Variants in TSPAN12 observed in about 807,000 individuals in gnomAD.
TSPAN12 encodes the protein tetraspanin-12.
A neutral mutation model predicts 39.2 loss-of-function variants in TSPAN12; 19 were observed. That is an observed-to-expected ratio of 0.49 (90% CI 0.34 to 0.71). The LOEUF is 0.71. TSPAN12 is among the 30% of genes least tolerant of loss of function. TSPAN12 has a pLI of 0.01. For missense variants in TSPAN12, 314 were observed against 359.9 expected, an observed-to-expected ratio of 0.87 and a Z score of 1.03; for synonymous variants, 119 against 124.8, an observed-to-expected ratio of 0.95 and a Z score of 0.31.
At chr7:120,844,511 C>G (rs1231634082) in intron 2 of TSPAN12, among the ~76,000 whole-genome samples, 1 of 152,222 alleles carries the variant, frequency 6.6e-6, no homozygotes, top group Non-Finnish European at 1.5e-5. Flanking sequence ...ATTCACTAAA[C>G]AGTACCATTC....
rs925396692 is a variant in TSPAN12 at position 120,788,421 on chromosome 7, T to C, written c.*171A>G. 7 of 762,508 alleles carry C rather than the reference T, an allele frequency of 9.2e-6. No homozygotes were observed. In the East Asian group the frequency reaches 1.9e-4, roughly 21 times the overall value. 47.2% of individuals were successfully genotyped at this position (762,508 alleles called of 1,614,324 possible). ...ATCAATTATTGTCCAGGTGGTGACTTATGACATGAAACTTTTCCATCCTCA... is the reference window on the plus strand; with the variant it reads ...ATCAATTATTGTCCAGGTGGTGACTCATGACATGAAACTTTTCCATCCTCA... On this transcript the variant is annotated 3_prime_UTR_variant, in exon 8 of 8. Coordinates refer to ENST00000222747, the MANE Select transcript of TSPAN12 (RefSeq NM_012338.4).
At chr7:120,857,044 G>A in intron 1 of TSPAN12, 1 of 528,530 alleles carries the variant, frequency 1.9e-6, no homozygotes, top group Non-Finnish European at 3.4e-6. Flanking sequence ...AACACCTGCT[G>A]GGAAAAGAAA....
chr7:120,788,374 C>T lies in TSPAN12; in HGVS notation c.*218G>A, dbSNP rs1352863838. ...ACAGGCTACACAGTGGGTATGACAT[C>T]TGTCTTCAGCATTTTAAGGGCATCA... is the stretch of plus-strand genomic sequence containing the variant. On this transcript the variant is annotated 3_prime_UTR_variant, in exon 8 of 8. Coordinates refer to ENST00000222747, the MANE Select transcript of TSPAN12 (RefSeq NM_012338.4). The T allele has an allele frequency of 1.7e-6, 1 of 581,684 alleles. No individual in the cohort carries two copies. Among genetic ancestry groups the T allele is most frequent in the Non-Finnish European group, 3.0e-6 (1 of 330,522 alleles). The allele number at this position is 581,684 out of a possible 1,614,324, so 36.0% of individuals were successfully genotyped here.
chr7:120,824,425 A>AG (rs998062303), intron 4 of TSPAN12, among the ~76,000 whole-genome samples: 2 of 151,900 alleles, frequency 1.3e-5, no homozygotes, highest in African/African-American at 4.8e-5. Flanking sequence ...CTGGTGATAG[A>AG]GCGAGACTCC....
chr7:120,853,493 T>TACAC lies in TSPAN12; in HGVS notation c.66+3201_66+3204dup, dbSNP rs1554405087. Among the ~76,000 whole-genome samples the TACAC allele has an allele frequency of 2.7e-3, 398 of 145,918 alleles. 3 individuals carry two copies. In the East Asian group the frequency reaches 0.043, roughly 16 times the overall value. On this transcript the variant is annotated intron_variant, in intron 2 of 7. Coordinates refer to ENST00000222747, the MANE Select transcript of TSPAN12 (RefSeq NM_012338.4). ...GCAGATATATATATATATATATATATACACACACATATTTATATTTAGACA... is the reference window on the plus strand; with the variant it reads ...GCAGATATATATATATATATATATATACACACACACACATATTTATATTTAGACA...
intron 1 of TSPAN12, 59 bp from the exon 2 acceptor site, chr7:120,856,892 T>A: frequency 9.9e-7 from 1 of 1,006,148 alleles, no homozygotes; most frequent in South Asian, 1.3e-5. Flanking sequence ...TCCCACAGCC[T>A]GCCCGTCCCT....
At chr7:120,799,198 C>T (rs1437248992) in intron 7 of TSPAN12, among the ~76,000 whole-genome samples, 5 of 151,572 alleles carry the variant, frequency 3.3e-5, no homozygotes, top group Admixed American at 3.3e-4. Flanking sequence ...TGGCAATTTA[C>T]TTGGTCTGAA....
At chr7:120,849,932 T>C (rs1794739550) in intron 2 of TSPAN12, among the ~76,000 whole-genome samples, 1 of 152,152 alleles carries the variant, frequency 6.6e-6, no homozygotes, top group Admixed American at 6.5e-5. Flanking sequence ...CAAGCCTTGA[T>C]TATTTGGAGG....
At chr7:120,829,920 GTT>G (rs1794359869) in intron 4 of TSPAN12, among the ~76,000 whole-genome samples, 1 of 152,050 alleles carries the variant, frequency 6.6e-6, no homozygotes, top group Admixed American at 6.6e-5. Context: ...GAAAGACAAA[GTT>G]CCAATGAACA....
chr7:120,852,149 A>C (rs1405330081), intron 2 of TSPAN12, among the ~76,000 whole-genome samples: 2 of 152,348 alleles, frequency 1.3e-5, no homozygotes, highest in Non-Finnish European at 2.9e-5. Flanking sequence ...AGGAAAACAA[A>C]ATTGAATGGG....
intron 2 of TSPAN12, among the ~76,000 whole-genome samples, chr7:120,840,826 C>G (rs1794563548): frequency 6.6e-6 from 1 of 152,150 alleles, no homozygotes; most frequent in Non-Finnish European, 1.5e-5. Flanking sequence ...GTAATATTTG[C>G]AGGAAGCATT....
chr7:120,855,905 A>T (rs1316624830), intron 2 of TSPAN12, among the ~76,000 whole-genome samples: 1 of 152,226 alleles, frequency 6.6e-6, no homozygotes, highest in African/African-American at 2.4e-5. Flanking sequence ...TGGAAAGAAC[A>T]ATTTGCTTAA....
chr7:120,795,114 A>C (rs1371265342), intron 7 of TSPAN12, among the ~76,000 whole-genome samples: 1 of 152,238 alleles, frequency 6.6e-6, no homozygotes, highest in Non-Finnish European at 1.5e-5. Flanking sequence ...AAAATTCAAA[A>C]CTGCATTTCA....
At chr7:120,820,288 T>A (rs1395579754) in intron 4 of TSPAN12, among the ~76,000 whole-genome samples, 1 of 152,146 alleles carries the variant, frequency 6.6e-6, no homozygotes, top group East Asian at 1.9e-4. Flanking sequence ...CTTGTGTCAG[T>A]TTGCTTATCT....
intron 7 of TSPAN12, among the ~76,000 whole-genome samples, chr7:120,799,513 T>G (rs1218992012): frequency 8.2e-6 from 1 of 121,472 alleles, no homozygotes; most frequent in African/African-American, 3.3e-5. Context: ...TAATTAATTA[T>G]ATATAATTAA....
In TSPAN12 at chr7:120,843,117, A is replaced by T. The variant is rs116234210; in HGVS notation, c.67-3008T>A. Among the ~76,000 whole-genome samples, 510 of 152,266 alleles carry T rather than the reference A, an allele frequency of 3.3e-3. 4 individuals carry two copies. Among genetic ancestry groups the T allele is most frequent in the African/African-American group, 0.012 (496 of 41,556 alleles). On this transcript the variant is annotated intron_variant, in intron 2 of 7. Coordinates refer to ENST00000222747, the MANE Select transcript of TSPAN12 (RefSeq NM_012338.4). ...TCAATGGCCTATAAGTTAGGTTAAG[A>T]ACCCTGGGACCACATTCAAGAGTAG... is the stretch of plus-strand genomic sequence containing the variant.
intron 1 of TSPAN12, among the ~76,000 whole-genome samples, chr7:120,857,590 G>A (rs1794899258): frequency 6.6e-6 from 1 of 152,064 alleles, no homozygotes; most frequent in Non-Finnish European, 1.5e-5. Context: ...TCCCCCGCCC[G>A]GGACGCTCCC....
intron 4 of TSPAN12, among the ~76,000 whole-genome samples, chr7:120,818,320 T>C (rs943534540): frequency 2.0e-5 from 3 of 152,098 alleles, no homozygotes; most frequent in Non-Finnish European, 2.9e-5. Flanking sequence ...TGATCTAATG[T>C]ACATTATAAA....
At chr7:120,813,777 G>A (rs1315291492) in intron 5 of TSPAN12, among the ~76,000 whole-genome samples, 1 of 152,122 alleles carries the variant, frequency 6.6e-6, no homozygotes, top group Non-Finnish European at 1.5e-5. Context: ...AAATAAGAGA[G>A]ACAATCTCTT....
Sources: allele counts gnomAD v4.1 joint callset (sites outside exome capture counted in the v4.1 genomes callset), GRCh38; gene constraint gnomAD v4.1.1; transcripts MANE v1.5; gene names NCBI Gene and HGNC (gene_info 2026-07-23, HGNC 2026-07-21).